ITGBL1: variants seen among roughly 807,000 people sequenced by gnomAD.
ITGBL1 encodes integrin subunit beta like 1, also known as integrin beta-like protein 1.
Under a neutral mutation model 68.5 loss-of-function variants are expected in ITGBL1, and 51 were observed. That is an observed-to-expected ratio of 0.74 (90% CI 0.59 to 0.94). The LOEUF is 0.94. Ranked by LOEUF, ITGBL1 falls within the 40% of genes least tolerant of loss-of-function variation. ITGBL1 has a pLI of 0.00. For synonymous variants in ITGBL1, 209 were observed against 227.3 expected, an observed-to-expected ratio of 0.92 and a Z score of 0.72; for missense variants, 649 against 647.4, an observed-to-expected ratio of 1.00 and a Z score of -0.03.
rs750719478 is a variant in ITGBL1, at chr13:101,519,829, C to T, written c.317-47870C>T. Among the ~76,000 whole-genome samples, 3 of 152,106 alleles carry T rather than the reference C, an allele frequency of 2.0e-5. No homozygotes were observed. The South Asian group carries it at 6.2e-4, about 32-fold the overall frequency. ...GATAATGATTATGATGATGGTGATACTGACACTAATGCTGTATTCATTTAG... is the reference window on the plus strand; with the variant it reads ...GATAATGATTATGATGATGGTGATATTGACACTAATGCTGTATTCATTTAG... On this transcript the variant is annotated intron_variant, in intron 2 of 10. Coordinates refer to ENST00000376180, the MANE Select transcript of ITGBL1 (RefSeq NM_004791.3).
intron 2 of ITGBL1, among the ~76,000 whole-genome samples, chr13:101,563,077 A>C (rs537095510): frequency 3.3e-5 from 5 of 151,362 alleles, no homozygotes; most frequent in African/African-American, 4.8e-5. Flanking sequence ...AAATAAAATA[A>C]TTTATAAATA....
intron 2 of ITGBL1, among the ~76,000 whole-genome samples, chr13:101,491,307 C>T (rs1484985343): frequency 1.3e-5 from 2 of 152,160 alleles, no homozygotes; most frequent in Non-Finnish European, 2.9e-5. Context: ...CCTCCTTCTC[C>T]CCGTTACCAT....
At chr13:101,669,836 C>A (rs2033314882) in intron 7 of ITGBL1, among the ~76,000 whole-genome samples, 1 of 152,154 alleles carries the variant, frequency 6.6e-6, no homozygotes, top group Non-Finnish European at 1.5e-5. Flanking sequence ...TTTTCAGATT[C>A]ATGTCTCAGA....
chr13:101,576,821 C>G (rs2050368561), intron 4 of ITGBL1, among the ~76,000 whole-genome samples: 2 of 152,112 alleles, frequency 1.3e-5, no homozygotes, highest in South Asian at 4.1e-4. Context: ...GAGCCAATGA[C>G]CTAAGCAAGA....
chr13:101,530,436 A>G (rs1054338618), intron 2 of ITGBL1, among the ~76,000 whole-genome samples: 1 of 152,134 alleles, frequency 6.6e-6, no homozygotes, highest in African/African-American at 2.4e-5. Flanking sequence ...GCCATGTATC[A>G]GGGTGATCCT....
chr13:101,525,112 T>C (rs1416508405), intron 2 of ITGBL1, among the ~76,000 whole-genome samples: 4 of 152,182 alleles, frequency 2.6e-5, no homozygotes, highest in African/African-American at 9.7e-5. Context: ...TCAATGTGTT[T>C]TCAGAAGTTT....
At chr13:101,462,125 C>T (rs77577266) in intron 2 of ITGBL1, among the ~76,000 whole-genome samples, 6,755 of 152,242 alleles carry the variant, frequency 0.044, 202 homozygotes, top group Non-Finnish European at 0.062. Flanking sequence ...GTACCCCACT[C>T]CCAAATCTCA....
At chr13:101,604,901 C>CACACACACACACACACACACACACACAT (rs1566753055) in intron 7 of ITGBL1, among the ~76,000 whole-genome samples, 2 of 90,752 alleles carry the variant, frequency 2.2e-5, no homozygotes, top group African/African-American at 7.7e-5. Context: ...CACACACACA[C>CACACACACACACACACACACACACACAT]ATATATATGT....
intron 7 of ITGBL1, among the ~76,000 whole-genome samples, chr13:101,679,927 C>T (rs1010569734): frequency 1.3e-5 from 2 of 152,202 alleles, no homozygotes; most frequent in African/African-American, 4.8e-5. Context: ...TAGTTCCTCA[C>T]ATAGTCCATG....
At chr13:101,494,984 A>T (rs1021797522) in intron 2 of ITGBL1, among the ~76,000 whole-genome samples, 1 of 152,188 alleles carries the variant, frequency 6.6e-6, no homozygotes, top group Admixed American at 6.5e-5. Context: ...ACCAAGAGTG[A>T]TGGGGATTAT....
chr13:101,618,304 T>C (rs1594934011), intron 7 of ITGBL1, among the ~76,000 whole-genome samples: 2 of 152,306 alleles, frequency 1.3e-5, no homozygotes, highest in East Asian at 3.9e-4. Context: ...TGGTACCAGA[T>C]CACACTTTGC....
intron 7 of ITGBL1, among the ~76,000 whole-genome samples, chr13:101,645,864 GT>G (rs962064294): frequency 6.6e-6 from 1 of 151,950 alleles, no homozygotes; most frequent in Non-Finnish European, 1.5e-5. Context: ...TTTATTTTTT[GT>G]TTTTTGGAAA....
At chr13:101,539,828 CT>C (rs1309954815) in intron 2 of ITGBL1, among the ~76,000 whole-genome samples, 7 of 151,762 alleles carry the variant, frequency 4.6e-5, no homozygotes, top group Non-Finnish European at 1.0e-4. Flanking sequence ...TTTCATGTGT[CT>C]TTTGGCTGCA....
At chr13:101,579,141 G>A in intron 4 of ITGBL1, 146 bp from the exon 5 acceptor site, 1 of 811,338 alleles carries the variant, frequency 1.2e-6, no homozygotes, top group Non-Finnish European at 2.0e-6. Flanking sequence ...TTTGGAGAAA[G>A]CTGTATAATT....
At chr13:101,480,737 G>T (rs2048606872) in intron 2 of ITGBL1, among the ~76,000 whole-genome samples, 1 of 151,932 alleles carries the variant, frequency 6.6e-6, no homozygotes, top group South Asian at 2.1e-4. Context: ...CTTAGTAGTA[G>T]GTTTATAGTA....
intron 2 of ITGBL1, among the ~76,000 whole-genome samples, chr13:101,522,516 T>G (rs2049302865): frequency 6.6e-6 from 1 of 152,154 alleles, no homozygotes; most frequent in Admixed American, 6.5e-5. Context: ...GAACCGTGAT[T>G]TAGGAAGATA....
intron 2 of ITGBL1, among the ~76,000 whole-genome samples, chr13:101,481,507 C>G (rs4360804): frequency 0.19 from 29,373 of 151,590 alleles, 3,362 homozygotes; most frequent in East Asian, 0.43. Flanking sequence ...GTAAATGTAA[C>G]TAGTTATGGA....
At position 101,715,180 on chromosome 13, in the gene ITGBL1, G is replaced by A. The variant is rs749519754; in HGVS notation, c.1394-383G>A. 3.8e-5 allele frequency: 7 copies of A among 184,456 alleles called. No homozygotes were observed. In the East Asian group the frequency reaches 5.9e-4, roughly 15 times the overall value. The allele number at this position is 184,456 out of a possible 1,614,324, so 11.4% of individuals were successfully genotyped here. A position where few individuals can be genotyped will look rare whatever the true frequency, so the allele number is the denominator to read the frequency against. On this transcript the variant is annotated intron_variant, in intron 10 of 10. Transcript: ENST00000376180. Reference sequence around the variant, plus strand: ...TTTGCTTTCTGCCCATCCTTACTACGTAAGACTCTCTTCACGGATTACTTG... The same window carrying A: ...TTTGCTTTCTGCCCATCCTTACTACATAAGACTCTCTTCACGGATTACTTG...
At chr13:101,598,388 G>GT in intron 7 of ITGBL1, 89 bp downstream of exon 7, 4 of 1,087,204 alleles carry the variant, frequency 3.7e-6, no homozygotes, top group Non-Finnish European at 1.2e-6. Flanking sequence ...TTGTTTGTTT[G>GT]TTTTTTGTTT....
Sources: gnomAD v4.1 joint callset for allele counts (sites outside exome capture counted in the v4.1 genomes callset) on GRCh38, gnomAD v4.1.1 for gene constraint, MANE v1.5 for transcripts, NCBI Gene and HGNC (gene_info 2026-07-23, HGNC 2026-07-21) for gene names.